USP35: variants seen among roughly 807,000 people sequenced by gnomAD.
USP35 encodes ubiquitin specific peptidase 35, also known as ubiquitin carboxyl-terminal hydrolase 35.
Under a neutral mutation model 83.8 loss-of-function variants are expected in USP35, and 69 were observed. The ratio of observed to expected loss-of-function variants is 0.82; its 90% CI spans 0.68 to 1.01. The LOEUF (loss-of-function observed/expected upper bound fraction) is 1.01, where lower values mean the gene tolerates loss of function less well. Among genes scored for constraint, USP35 ranks in the 50% least tolerant of loss-of-function variants. The probability of loss-of-function intolerance (pLI) is 0.00; values close to 1 mark genes in which losing one functional copy is unlikely to be tolerated. For synonymous variants in USP35, 714 were observed against 589.5 expected (o/e 1.21, Z -3.06); for missense variants, 1,503 against 1,362.5 (o/e 1.10, Z -1.62).
At chr11:78,215,340 C>T (rs1318869068), downstream of USP35, 1 of 152,594 alleles carries the variant, frequency 6.6e-6, no homozygotes, top group African/African-American at 2.4e-5. Context: ...TCCAACACCA[C>T]AGTAGAAAGG....
the USP35 span, among the ~76,000 whole-genome samples, chr11:78,229,633 C>T: frequency 6.6e-6 from 1 of 152,204 alleles, no homozygotes; most frequent in Non-Finnish European, 1.5e-5. Flanking sequence ...ATTTACTTTC[C>T]TAACTTCCCA....
chr11:78,198,009 C>G lies in USP35; in HGVS notation c.747C>G (p.Val249=), dbSNP rs777789093. The G allele has an allele frequency of 6.2e-7, 1 of 1,614,238 alleles. No homozygotes were observed. The highest frequency in any genetic ancestry group is 2.2e-5 in the East Asian group (1 of 44,886). Residue 249 remains valine, a synonymous_variant, in exon 3 of 11, where the codon GTC becomes GTG. Coordinates refer to ENST00000529308, the MANE Select transcript of USP35 (RefSeq NM_020798.4). ...HLPLELMDGV[V]RNLSNDDSVT... ...CATTGGAGCTCATGGATGGTGTTGT[C>G]CGGAACCTCAGCAATGATGACAGTG...
rs1299913548 is a variant in USP35 at position 78,214,857 on chromosome 11, G to C, written c.*1044G>C. ...CCCTCTACTGAATCTACTGAAGTGG[G>C]GTGTAAGTAAACGTGTGGACTGACT... On this transcript the variant is annotated 3_prime_UTR_variant, in exon 11 of 11. Transcript: ENST00000529308. 6.7e-6 allele frequency: 1 copy of C among 149,290 alleles called. No individual in the cohort carries two copies. The highest frequency in any genetic ancestry group is 1.5e-5 in the Non-Finnish European group (1 of 67,812). 9.2% of individuals were successfully genotyped at this position (149,290 alleles called of 1,614,324 possible). A position where few individuals can be genotyped will look rare whatever the true frequency, so the allele number is the denominator to read the frequency against.
chr11:78,231,335 T>G, the USP35 span, among the ~76,000 whole-genome samples: 4 of 89,668 alleles, frequency 4.5e-5, no homozygotes, highest in Admixed American at 1.1e-4. Flanking sequence ...CGCGCGTGTG[T>G]GGTGTGTGTG....
chr11:78,232,761 T>G, the USP35 span, among the ~76,000 whole-genome samples: 1 of 152,186 alleles, frequency 6.6e-6, no homozygotes, highest in African/African-American at 2.4e-5. Flanking sequence ...AAGAGATAGA[T>G]AGAAGGCTGG....
chr11:78,210,527 A>G lies in USP35; in HGVS notation c.2672A>G (p.Tyr891Cys), dbSNP rs1396385816. Residue 891 changes from tyrosine to cysteine, a missense_variant, in exon 10 of 11, where the codon TAC (tyrosine) becomes TGC (cysteine). Physicochemically the swap from Tyr to Cys is radical, Grantham distance 194 (BLOSUM62 -2). Transcript: ENST00000529308. ...ADRPEPENQW[Y>C]LFNDTRVSFS... ...AGGCCAGAGCCCGAGAACCAGTGGTACCTGTTCAATGACACTCGGGTGTCC... is the reference window on the plus strand; with the variant it reads ...AGGCCAGAGCCCGAGAACCAGTGGTGCCTGTTCAATGACACTCGGGTGTCC... The G allele has an allele frequency of 1.2e-6, 2 of 1,613,810 alleles. No individual in the cohort carries two copies. Among genetic ancestry groups the G allele is most frequent in the Non-Finnish European group, 1.7e-6 (2 of 1,179,696 alleles).
chr11:78,210,647 C>T lies in USP35; in HGVS notation c.2792C>T (p.Pro931Leu), dbSNP rs201615410. Residue 931 changes from proline (P) to leucine (L), a missense_variant, in exon 10 of 11, where the codon CCC (proline) becomes CTC (leucine). By Grantham distance (98) the Pro-to-Leu change is moderately conservative. Transcript: ENST00000529308. ...LFYRQRPREG[P>L]EAELGSSRVR... ...TACCGGCAGCGGCCCAGGGAGGGGC[C>T]CGAGGCTGAGTTGGGCTCTTCTAGA... The T allele has an allele frequency of 2.3e-4, 369 of 1,614,018 alleles. No individual in the cohort carries two copies. The African/African-American group carries it at 4.3e-3, about 19-fold the overall frequency.
chr11:78,196,298 A>G lies in USP35; in HGVS notation c.53A>G (p.Lys18Arg), dbSNP rs1389716877. 2 of 1,594,384 alleles carry G rather than the reference A, an allele frequency of 1.3e-6. No individual in the cohort carries two copies. The highest frequency in any genetic ancestry group is 2.7e-5 in the African/African-American group (2 of 74,176). ...ACGTCGTCATACCCGGTCAGCGTGA[A>G]GCAGGGGCTGGTTCGGCGCGTGCTG... is the stretch of plus-strand genomic sequence containing the variant. ...VVTSSYPVSVKQGLVRRVLEA... is the reference protein window; with the variant it reads ...VVTSSYPVSVRQGLVRRVLEA... The change falls in exon 2 of 11, where the codon AAG becomes AGG. Residue 18 changes from lysine (K) to arginine (R), a missense_variant. Transcript: ENST00000529308. The surrounding 1 kb of genome is among the most constrained non-coding windows in gnomAD (Gnocchi z 4.8).
At chr11:78,206,726 T>C (rs1425557072) in intron 7 of USP35, among the ~76,000 whole-genome samples, 1 of 152,228 alleles carries the variant, frequency 6.6e-6, no homozygotes, top group East Asian at 1.9e-4. Flanking sequence ...CGTGCTTGTA[T>C]GGTGGTTGTG....
At chr11:78,234,580 A>G in the USP35 span, among the ~76,000 whole-genome samples, 4 of 147,868 alleles carry the variant, frequency 2.7e-5, no homozygotes, top group African/African-American at 7.4e-5. Context: ...TAATAATTAT[A>G]TATATTTATA....
At chr11:78,220,410 C>G in the USP35 span, 580 of 1,594,258 alleles carry the variant, frequency 3.6e-4, no homozygotes, top group African/African-American at 6.9e-3. Flanking sequence ...ACTGTTCGTG[C>G]CACTGGGAAC....
chr11:78,223,442 CAG>C, the USP35 span: 7 of 1,573,844 alleles, frequency 4.4e-6, no homozygotes, highest in South Asian at 1.2e-5. Flanking sequence ...TTGCGGTTGA[CAG>C]GGGGTGGCTG....
chr11:78,198,028 G>T lies in USP35; in HGVS notation c.766G>T (p.Asp256Tyr), dbSNP rs1463465999. ...TGTTGTCCGGAACCTCAGCAATGATGACAGTGTGACAGACTCGCAGATGCT... is the reference window on the plus strand; with the variant it reads ...TGTTGTCCGGAACCTCAGCAATGATTACAGTGTGACAGACTCGCAGATGCT... Reference protein sequence around the residue: ...DGVVRNLSNDDSVTDSQMLTA... With the variant: ...DGVVRNLSNDYSVTDSQMLTA... The change falls in exon 3 of 11, where the codon GAC (aspartate) becomes TAC (tyrosine). Residue 256 changes from aspartate to tyrosine, a missense_variant. Asp to Tyr is a radical substitution (Grantham distance 160). Transcript: ENST00000529308. The T allele has an allele frequency of 6.2e-7, 1 of 1,614,096 alleles. No individual in the cohort carries two copies. Among genetic ancestry groups the T allele is most frequent in the East Asian group, 2.2e-5 (1 of 44,902 alleles).
chr11:78,226,620 G>GGGGGGGGGGGGGCC, the USP35 span: 2 of 1,500,550 alleles, frequency 1.3e-6, no homozygotes, highest in Non-Finnish European at 9.3e-7. Context: ...GCGGGGTGGG[G>GGGGGGGGGGGGGCC]GAGCTATGGC....
chr11:78,231,287 G>A, the USP35 span, among the ~76,000 whole-genome samples: 4 of 151,884 alleles, frequency 2.6e-5, no homozygotes, highest in African/African-American at 9.7e-5. Flanking sequence ...GGCTATAGAG[G>A]CTATTGCCAC....
chr11:78,225,086 C>G, the USP35 span: 1 of 1,540,274 alleles, frequency 6.5e-7, no homozygotes, highest in African/African-American at 1.4e-5. Flanking sequence ...GCCTGAGGAC[C>G]CTTGGGTTAA....
At position 78,196,263 on chromosome 11, in the gene USP35, G is replaced by A. The variant is rs1272742787; in HGVS notation, c.18G>A (p.Glu6=). The change falls in exon 2 of 11, where the codon GAG becomes GAA. Residue 6 remains glutamate (E), a synonymous_variant. Coordinates refer to ENST00000529308, the MANE Select transcript of USP35 (RefSeq NM_020798.4). The surrounding 1 kb of genome is among the most constrained non-coding windows in gnomAD (Gnocchi z 4.8). The part of the protein sequence containing the change: MDKIL[E]AVVTSSYPVS... ...CGGGCGCCATGGACAAGATCTTGGA[G>A]GCGGTGGTGACGTCGTCATACCCGG... 1.3e-6 allele frequency: 2 copies of A among 1,595,076 alleles called. No homozygotes were observed. Among genetic ancestry groups the A allele is most frequent in the South Asian group, 2.2e-5 (2 of 90,964 alleles).
At chr11:78,228,446 T>C in the USP35 span, among the ~76,000 whole-genome samples, 36 of 152,318 alleles carry the variant, frequency 2.4e-4, no homozygotes, top group Non-Finnish European at 4.4e-4. Flanking sequence ...GCAAATCTCG[T>C]ATACATATAA....
chr11:78,206,931 A>C (rs1590911300), intron 7 of USP35, among the ~76,000 whole-genome samples: 3 of 152,194 alleles, frequency 2.0e-5, no homozygotes, highest in Non-Finnish European at 4.4e-5. Context: ...CAGTCTACCC[A>C]TCCCTAAAGG....
Sources: allele counts gnomAD v4.1 joint callset (sites outside exome capture counted in the v4.1 genomes callset), GRCh38; gene constraint gnomAD v4.1.1; non-coding constraint Gnocchi (gnomAD v3.1); transcripts MANE v1.5; gene names NCBI Gene and HGNC (gene_info 2026-07-23, HGNC 2026-07-21).